The following ADAMTSL1 variants were observed in gnomAD, a reference collection of about 807,000 sequenced individuals.
The protein encoded by ADAMTSL1 is ADAMTS-like protein 1.
A neutral mutation model predicts 201.8 loss-of-function variants in ADAMTSL1; 126 were observed. That is an observed-to-expected ratio of 0.62 (90% CI 0.54 to 0.72). ADAMTSL1 has a LOEUF of 0.72. ADAMTSL1 is among the 30% of genes least tolerant of loss of function. The pLI, the probability that ADAMTSL1 is intolerant of heterozygous loss-of-function variation, is 0.00. For synonymous variants in ADAMTSL1, 1,121 were observed against 903.4 expected, an observed-to-expected ratio of 1.24 and a Z score of -4.32; for missense variants, 2,679 against 2,277.8, an observed-to-expected ratio of 1.18 and a Z score of -3.59.
At chr9:18,272,048 T>G (rs1178999771) in intron 2 of ADAMTSL1, among the ~76,000 whole-genome samples, 7 of 151,502 alleles carry the variant, frequency 4.6e-5, no homozygotes, top group African/African-American at 1.7e-4. Flanking sequence ...GTAAATTTGT[T>G]TGAGTTCTTT....
At chr9:18,624,973 C>T (rs1481181114) in intron 5 of ADAMTSL1, among the ~76,000 whole-genome samples, 2 of 152,212 alleles carry the variant, frequency 1.3e-5, no homozygotes, top group East Asian at 1.9e-4. Flanking sequence ...GCATGCACCT[C>T]ACCACAATCT....
chr9:18,639,249 T>C lies in ADAMTSL1; in HGVS notation c.677-5T>C. ...TCTCTCATCTTCACGTGTTTGATCA[T>C]ATAGATCTGGAAACCAAAACCCTCC... On this transcript the variant is annotated splice_region_variant and splice_polypyrimidine_tract_variant and intron_variant, in intron 6 of 28. Transcript: ENST00000380548. The C allele has an allele frequency of 6.2e-7, 1 of 1,612,434 alleles. No individual in the cohort carries two copies. The highest frequency in any genetic ancestry group is 8.5e-7 in the Non-Finnish European group (1 of 1,178,928).
intron 1 of ADAMTSL1, among the ~76,000 whole-genome samples, chr9:18,101,528 A>G (rs936520193): frequency 6.6e-6 from 1 of 152,042 alleles, no homozygotes; most frequent in Non-Finnish European, 1.5e-5. Flanking sequence ...CAAGAAAAAG[A>G]AAATGGATTA....
rs1341872431 is a variant in ADAMTSL1 at position 18,795,539 on chromosome 9, C to A, written c.3805+15C>A. On this transcript the variant is annotated intron_variant, in intron 20 of 28. Transcript: ENST00000380548. ...CACATTAGCAGGTAACCCAAAAATC[C>A]CTGTTCTGTTCATTTCATAAACCTT... The A allele has an allele frequency of 6.3e-7, 1 of 1,598,788 alleles. No homozygotes were observed. Among genetic ancestry groups the A allele is most frequent in the Non-Finnish European group, 8.5e-7 (1 of 1,171,930 alleles).
intron 20 of ADAMTSL1, among the ~76,000 whole-genome samples, chr9:18,807,159 T>A (rs542597098): frequency 2.7e-4 from 41 of 152,330 alleles, no homozygotes; most frequent in African/African-American, 9.4e-4. Context: ...TCGGTTTCCT[T>A]ATTTTTTCTT....
chr9:18,681,697 T>TGTGTG lies in ADAMTSL1; in HGVS notation c.1342-114_1342-113insTGTGG, dbSNP rs370940110. ...TATAAATTTACCAGGAGTCCTCGTG[T>TGTGTG]GGGGGGGGGGGGCGGGGAAAAAGAA... On this transcript the variant is annotated intron_variant, in intron 11 of 28. Transcript: ENST00000380548. The TGTGTG allele has an allele frequency of 4.7e-3, 1,124 of 239,950 alleles. 9 individuals carry two copies. The highest frequency in any genetic ancestry group is 7.2e-3 in the East Asian group (115 of 15,878). The allele number at this position is 239,950 out of a possible 1,614,324, so 14.9% of individuals were successfully genotyped here. A position where few individuals can be genotyped will look rare whatever the true frequency, so the allele number is the denominator to read the frequency against.
chr9:18,054,078 T>G (rs911032734), intron 1 of ADAMTSL1, among the ~76,000 whole-genome samples: 1 of 152,316 alleles, frequency 6.6e-6, no homozygotes, highest in Non-Finnish European at 1.5e-5. Flanking sequence ...CTACTATAAT[T>G]AAAACTATTT....
At chr9:17,968,959 G>A (rs181820710) in intron 1 of ADAMTSL1, among the ~76,000 whole-genome samples, 6 of 152,118 alleles carry the variant, frequency 3.9e-5, no homozygotes, top group East Asian at 1.9e-4. Flanking sequence ...TATTTCCAAT[G>A]TGCTCGTCTA....
chr9:18,735,833 C>T (rs1252634352), intron 15 of ADAMTSL1, among the ~76,000 whole-genome samples: 1 of 147,374 alleles, frequency 6.8e-6, no homozygotes, highest in Admixed American at 6.8e-5. Flanking sequence ...TGACTACAGC[C>T]TCAACCTCCT....
chr9:18,493,538 C>A (rs1822369393), intron 1 of ADAMTSL1, among the ~76,000 whole-genome samples: 1 of 152,132 alleles, frequency 6.6e-6, no homozygotes, highest in African/African-American at 2.4e-5. Flanking sequence ...CTTTGGCAAA[C>A]AAGGATCTAG....
intron 23 of ADAMTSL1, among the ~76,000 whole-genome samples, chr9:18,835,310 C>G (rs1347265): frequency 6.6e-5 from 10 of 151,844 alleles, no homozygotes; most frequent in Non-Finnish European, 1.2e-4. Context: ...TTTATTTAAA[C>G]ATTGAGTTGT....
At chr9:18,895,377 A>G (rs1829558197) in intron 26 of ADAMTSL1, among the ~76,000 whole-genome samples, 2 of 152,190 alleles carry the variant, frequency 1.3e-5, no homozygotes, top group African/African-American at 2.4e-5. Flanking sequence ...AGAAACAGCC[A>G]TCTTTAAGAT....
rs114570316 is a variant in ADAMTSL1, at chr9:18,248,597, C to T, written c.207+84616C>T. ...CCAAAGCAATGGAAAGAAAATAAAG[C>T]AGTAGCATATAAAAATCACAATCAG... is the stretch of plus-strand genomic sequence containing the variant. On this transcript the variant is annotated intron_variant, in intron 2 of 29. Coordinates refer to the ADAMTSL1 transcript ENST00000680146. 6.5e-3 allele frequency among the ~76,000 whole-genome samples: 987 copies of T among 152,228 alleles called. 17 individuals carry two copies. Among genetic ancestry groups the T allele is most frequent in the African/African-American group, 0.023 (948 of 41,532 alleles).
At chr9:18,140,275 GC>G (rs2132001404) in intron 1 of ADAMTSL1, among the ~76,000 whole-genome samples, 1 of 152,184 alleles carries the variant, frequency 6.6e-6, no homozygotes, top group East Asian at 1.9e-4. Context: ...TTTGCTGATG[GC>G]CCCCAAGACC....
intron 1 of ADAMTSL1, among the ~76,000 whole-genome samples, chr9:17,974,570 A>G (rs1409290746): frequency 6.6e-6 from 1 of 151,882 alleles, no homozygotes; most frequent in Non-Finnish European, 1.5e-5. Flanking sequence ...CTCTGCCTCT[A>G]TGAGTTTGAC....
intron 1 of ADAMTSL1, among the ~76,000 whole-genome samples, chr9:18,055,231 GA>G (rs1314764220): frequency 6.6e-6 from 1 of 152,218 alleles, no homozygotes; most frequent in Non-Finnish European, 1.5e-5. Flanking sequence ...AGTAAAAGCA[GA>G]TACATAGCTA....
intron 2 of ADAMTSL1, among the ~76,000 whole-genome samples, chr9:18,214,227 A>G (rs1829984724): frequency 6.6e-6 from 1 of 152,222 alleles, no homozygotes; most frequent in Non-Finnish European, 1.5e-5. Flanking sequence ...TTTAGAAAAT[A>G]TATTTTAAAA....
chr9:18,906,222 C>A (rs905776221), intron 27 of ADAMTSL1, among the ~76,000 whole-genome samples: 5 of 152,218 alleles, frequency 3.3e-5, no homozygotes, highest in Admixed American at 2.0e-4. Flanking sequence ...GCCACCAAGT[C>A]TCAAAGGCTC....
At chr9:18,848,694 G>A (rs145003982) in intron 23 of ADAMTSL1, among the ~76,000 whole-genome samples, 6 of 152,324 alleles carry the variant, frequency 3.9e-5, no homozygotes, top group African/African-American at 7.2e-5. Flanking sequence ...CTAGACCAGA[G>A]TTGGGCAAAC....
Sources: allele counts gnomAD v4.1 joint callset (sites outside exome capture counted in the v4.1 genomes callset), GRCh38; gene constraint gnomAD v4.1.1; transcripts MANE v1.5; gene names NCBI Gene and HGNC (gene_info 2026-07-23, HGNC 2026-07-21).